Variants in PAK4 observed in about 807,000 individuals in gnomAD.
PAK4 encodes the protein serine/threonine-protein kinase PAK 4.
In PAK4, 49 loss-of-function variants were observed where a neutral mutation model predicts 53.5. The ratio of observed to expected loss-of-function variants is 0.92; its 90% CI spans 0.73 to 1.16. The LOEUF is 1.16. PAK4 is among the 50% of genes most tolerant of loss of function. The pLI is 0.00. For synonymous variants in PAK4, 376 were observed against 375.6 expected, an observed-to-expected ratio of 1.00 and a Z score of -0.01; for missense variants, 824 against 850.7, an observed-to-expected ratio of 0.97 and a Z score of 0.39.
At chr19:39,131,922 G>A (rs552932429) in intron 1 of PAK4, among the ~76,000 whole-genome samples, 14 of 152,322 alleles carry the variant, frequency 9.2e-5, no homozygotes, top group African/African-American at 2.6e-4. Context: ...GTGGGAGGGC[G>A]GAAGATCATG....
chr19:39,182,464 G>A (rs971382354), downstream of PAK4: 2 of 152,214 alleles, frequency 1.3e-5, no homozygotes, highest in African/African-American at 4.8e-5. Context: ...ACAGAACAGA[G>A]AACCCAGAGG....
chr19:39,174,564 A>G (rs2074562812), intron 4 of PAK4, among the ~76,000 whole-genome samples: 1 of 151,848 alleles, frequency 6.6e-6, no homozygotes, highest in South Asian at 2.1e-4. Context: ...GCCGGGCTGC[A>G]CCATGGAGCT....
At chr19:39,164,265 G>GA (rs778616299) in intron 1 of PAK4, among the ~76,000 whole-genome samples, 34 of 122,426 alleles carry the variant, frequency 2.8e-4, no homozygotes, top group Admixed American at 6.7e-4. Context: ...CAACAAGAGT[G>GA]AAACTCTGTC....
intron 1 of PAK4, among the ~76,000 whole-genome samples, chr19:39,129,466 C>T (rs572413223): frequency 2.6e-5 from 4 of 152,292 alleles, no homozygotes; most frequent in African/African-American, 7.2e-5. Flanking sequence ...CGGAGCTCCC[C>T]GCTTTCCTAG....
intron 1 of PAK4, among the ~76,000 whole-genome samples, chr19:39,152,899 C>T (rs1012593802): frequency 4.6e-5 from 7 of 152,012 alleles, no homozygotes; most frequent in African/African-American, 1.2e-4. Context: ...ATTCAACCAA[C>T]GAAGGACTGA....
At chr19:39,174,829 C>T (rs1242862667) in intron 4 of PAK4, 102 bp from the exon 6 acceptor site, 1 of 1,404,236 alleles carries the variant, frequency 7.1e-7, no homozygotes, top group East Asian at 2.3e-5. Context: ...TGAGCACAAG[C>T]TTAATGTGGA....
chr19:39,163,859 G>A (rs1006300997), intron 1 of PAK4, among the ~76,000 whole-genome samples: 9 of 152,140 alleles, frequency 5.9e-5, no homozygotes, highest in Non-Finnish European at 1.2e-4. Context: ...ATAATGCAGC[G>A]GACAGGGACG....
At chr19:39,155,710 G>A (rs2074168555) in intron 1 of PAK4, among the ~76,000 whole-genome samples, 1 of 152,136 alleles carries the variant, frequency 6.6e-6, no homozygotes, top group Non-Finnish European at 1.5e-5. Flanking sequence ...GGAGCAGCTG[G>A]TTAAGGGCAC....
chr19:39,135,973 C>G (rs1184662995), intron 1 of PAK4, among the ~76,000 whole-genome samples: 4 of 151,520 alleles, frequency 2.6e-5, no homozygotes, highest in Non-Finnish European at 5.9e-5. Context: ...CTGCGGGCTC[C>G]TCTTCCTTGT....
intron 1 of PAK4, among the ~76,000 whole-genome samples, chr19:39,126,290 A>G (rs1280284601): frequency 6.6e-6 from 1 of 152,094 alleles, no homozygotes. Flanking sequence ...AGCTGCCCCT[A>G]GCGGAGCAGA....
At chr19:39,154,522 C>T (rs759680062) in intron 1 of PAK4, among the ~76,000 whole-genome samples, 6 of 152,162 alleles carry the variant, frequency 3.9e-5, no homozygotes, top group African/African-American at 1.2e-4. Context: ...ACAGTTTACC[C>T]TTTGGTGCCT....
intron 1 of PAK4, among the ~76,000 whole-genome samples, chr19:39,130,890 G>T (rs2073697236): frequency 6.6e-6 from 1 of 150,892 alleles, no homozygotes; most frequent in Non-Finnish European, 1.5e-5. Context: ...GATCGCGGGG[G>T]GTGGCGACAG....
chr19:39,148,194 C>T (rs1021503733), intron 1 of PAK4, among the ~76,000 whole-genome samples: 4 of 151,352 alleles, frequency 2.6e-5, no homozygotes, highest in Non-Finnish European at 4.4e-5. Context: ...TCAGGTGATC[C>T]GCCTGCCTCG....
At chr19:39,135,324 C>CTTTTTTTTTTT (rs559171888) in intron 1 of PAK4, 1 of 88,340 alleles carries the variant, frequency 1.1e-5, no homozygotes, top group Non-Finnish European at 2.1e-5. Flanking sequence ...AGTGCTTATT[C>CTTTTTTTTTTT]TTTTTTTTTT....
At chr19:39,155,012 C>A (rs1039655660) in intron 1 of PAK4, among the ~76,000 whole-genome samples, 1 of 152,250 alleles carries the variant, frequency 6.6e-6, no homozygotes, top group Admixed American at 6.5e-5. Flanking sequence ...GTGGAGATAA[C>A]ATCTGCCCTT....
intron 1 of PAK4, among the ~76,000 whole-genome samples, chr19:39,148,313 GT>G (rs1401083236): frequency 6.6e-6 from 1 of 151,766 alleles, no homozygotes; most frequent in Non-Finnish European, 1.5e-5. Context: ...TTCTCTCCCA[GT>G]TTGTAGCATG....
At chr19:39,164,474 C>T (rs1326101824) in intron 1 of PAK4, among the ~76,000 whole-genome samples, 2 of 151,950 alleles carry the variant, frequency 1.3e-5, no homozygotes, top group African/African-American at 4.8e-5. Context: ...GTGGGGCACT[C>T]GCCCATGCAA....
At chr19:39,151,015 G>A (rs548088819) in intron 1 of PAK4, among the ~76,000 whole-genome samples, 10 of 152,026 alleles carry the variant, frequency 6.6e-5, no homozygotes, top group Non-Finnish European at 1.2e-4. Flanking sequence ...CGCCATGAAC[G>A]TGGGAAGGAG....
intron 1 of PAK4, among the ~76,000 whole-genome samples, chr19:39,140,305 G>C (rs1302746293): frequency 6.6e-6 from 1 of 152,166 alleles, no homozygotes; most frequent in Non-Finnish European, 1.5e-5. Flanking sequence ...CTTCTGAGGG[G>C]AAGGATGCTG....
Sources: gnomAD v4.1 joint callset for allele counts (sites outside exome capture counted in the v4.1 genomes callset) on GRCh38, gnomAD v4.1.1 for gene constraint, MANE v1.5 for transcripts, NCBI Gene and HGNC (gene_info 2026-07-23, HGNC 2026-07-21) for gene names.